Variants in CLSTN2 observed in about 807,000 individuals in gnomAD.
CLSTN2 encodes the protein calsyntenin 2.
In CLSTN2, 48 loss-of-function variants were observed where a neutral mutation model predicts 101.2. That is an observed-to-expected ratio of 0.47 (90% CI 0.38 to 0.60). The LOEUF is 0.60. CLSTN2 is among the 20% of genes least tolerant of loss of function. The probability of loss-of-function intolerance (pLI) is 0.00; values close to 1 mark genes in which losing one functional copy is unlikely to be tolerated. For missense variants in CLSTN2, 1,160 were observed against 1,238.2 expected (o/e 0.94, Z 0.95); for synonymous variants, 481 against 463.6 (o/e 1.04, Z -0.48).
At chr3:140,260,197 ATGTAT>A (rs1301981647) in intron 2 of CLSTN2, among the ~76,000 whole-genome samples, 1 of 150,210 alleles carries the variant, frequency 6.7e-6, no homozygotes, top group Non-Finnish European at 1.5e-5. Context: ...ATTAAAATAA[ATGTAT>A]TTTATTTCTT....
At chr3:139,965,932 G>T (rs1180585680) in intron 1 of CLSTN2, among the ~76,000 whole-genome samples, 1 of 152,194 alleles carries the variant, frequency 6.6e-6, no homozygotes, top group Non-Finnish European at 1.5e-5. Flanking sequence ...ATGGTGGTTT[G>T]ATGTTAGCCT....
chr3:140,099,076 A>G (rs2008922902), intron 1 of CLSTN2, among the ~76,000 whole-genome samples: 1 of 152,202 alleles, frequency 6.6e-6, no homozygotes, highest in Non-Finnish European at 1.5e-5. Flanking sequence ...GCTGGTCCGT[A>G]TGTGGCTCAA....
chr3:139,971,672 G>T (rs1935707721), intron 1 of CLSTN2, among the ~76,000 whole-genome samples: 1 of 152,200 alleles, frequency 6.6e-6, no homozygotes, highest in Non-Finnish European at 1.5e-5. Context: ...TGAGCAGGAA[G>T]GTACCTTGAA....
At chr3:139,981,986 C>T (rs1186848482) in intron 1 of CLSTN2, among the ~76,000 whole-genome samples, 1 of 152,036 alleles carries the variant, frequency 6.6e-6, no homozygotes, top group Non-Finnish European at 1.5e-5. Flanking sequence ...TGGAGAGTTG[C>T]CATGATTTGA....
At chr3:140,149,965 A>G (rs1172095802) in intron 1 of CLSTN2, among the ~76,000 whole-genome samples, 2 of 152,132 alleles carry the variant, frequency 1.3e-5, no homozygotes, top group African/African-American at 2.4e-5. Flanking sequence ...TACTTGTATC[A>G]TGGGGCAGGG....
At chr3:139,945,825 T>G (rs1455527917) in intron 1 of CLSTN2, among the ~76,000 whole-genome samples, 1 of 152,240 alleles carries the variant, frequency 6.6e-6, no homozygotes, top group Non-Finnish European at 1.5e-5. Flanking sequence ...TATAAAATGC[T>G]GAATTCTCCT....
chr3:140,123,198 G>A (rs929363765), intron 1 of CLSTN2, among the ~76,000 whole-genome samples: 1 of 150,950 alleles, frequency 6.6e-6, no homozygotes, highest in Non-Finnish European at 1.5e-5. Flanking sequence ...TGAATGTGGT[G>A]TCCTCACATG....
At chr3:140,377,685 C>T (rs1585817) in intron 2 of CLSTN2, among the ~76,000 whole-genome samples, 145,428 of 152,308 alleles carry the variant, frequency 0.95, 69,785 homozygotes, top group East Asian at 1. Flanking sequence ...GTTTTAAGCT[C>T]AGTGTTACAA....
rs141391491 is a variant in CLSTN2, at chr3:139,986,489, T to C, written c.109+51006T>C. Among the ~76,000 whole-genome samples the C allele has an allele frequency of 4.2e-3, 644 of 152,282 alleles. 8 individuals are homozygous for C. The highest frequency in any genetic ancestry group is 0.015 in the African/African-American group (624 of 41,558). On this transcript the variant is annotated intron_variant, in intron 1 of 16. Transcript: ENST00000458420. ...TGACCCTGCAGGGCCTGGAATACTA[T>C]AGGGAGGGTGTTTGTTCAGTGCAAC... is the stretch of plus-strand genomic sequence containing the variant.
chr3:140,278,219 G>A (rs538897071), intron 2 of CLSTN2, among the ~76,000 whole-genome samples: 17 of 152,282 alleles, frequency 1.1e-4, no homozygotes, highest in African/African-American at 4.1e-4. Context: ...CTGAATTTAT[G>A]AGGAAAAAGA....
chr3:140,311,287 CTTTTTTTTTTTTTTTTTTT>C (rs750088450), intron 2 of CLSTN2, among the ~76,000 whole-genome samples: 9 of 52,064 alleles, frequency 1.7e-4, no homozygotes, highest in Non-Finnish European at 1.6e-4. Context: ...GTTTATTATC[CTTTTTTTTTTTTTTTTTTT>C]TTTTTTTTTT....
chr3:140,096,237 G>A (rs775557450), intron 1 of CLSTN2, among the ~76,000 whole-genome samples: 14 of 152,098 alleles, frequency 9.2e-5, no homozygotes, highest in Non-Finnish European at 1.8e-4. Flanking sequence ...ACAGCAGAGG[G>A]CATAACTAAT....
intron 1 of CLSTN2, among the ~76,000 whole-genome samples, chr3:139,983,695 A>G (rs1406975260): frequency 1.3e-5 from 2 of 152,188 alleles, no homozygotes; most frequent in Admixed American, 6.5e-5. Flanking sequence ...TCAATATTAT[A>G]GTTAATTAAA....
At chr3:140,447,052 T>G (rs1318274356) in intron 5 of CLSTN2, among the ~76,000 whole-genome samples, 3 of 152,238 alleles carry the variant, frequency 2.0e-5, no homozygotes, top group Non-Finnish European at 4.4e-5. Context: ...GATACCGGTA[T>G]CACCATGGTG....
chr3:140,021,281 AG>A (rs2007310606), intron 1 of CLSTN2, among the ~76,000 whole-genome samples: 1 of 152,182 alleles, frequency 6.6e-6, no homozygotes, highest in Non-Finnish European at 1.5e-5. Flanking sequence ...TGTGGGCTGA[AG>A]GGATCTGGAG....
intron 8 of CLSTN2, among the ~76,000 whole-genome samples, chr3:140,514,144 T>G (rs535168614): frequency 8.0e-6 from 1 of 125,020 alleles, no homozygotes; most frequent in Admixed American, 8.4e-5. Context: ...TATAGTTTTC[T>G]ATATTTTTTC....
intron 1 of CLSTN2, among the ~76,000 whole-genome samples, chr3:140,009,431 T>C (rs2007025811): frequency 6.6e-6 from 1 of 152,192 alleles, no homozygotes; most frequent in Non-Finnish European, 1.5e-5. Flanking sequence ...CCAGAAATAA[T>C]GAATGTGAGT....
chr3:140,011,505 C>T (rs1235860312), intron 1 of CLSTN2, among the ~76,000 whole-genome samples: 2 of 152,184 alleles, frequency 1.3e-5, no homozygotes, highest in Non-Finnish European at 2.9e-5. Flanking sequence ...TCTCTCTGAA[C>T]CTCAGAATCC....
At chr3:140,294,935 C>T (rs2086988907) in intron 2 of CLSTN2, among the ~76,000 whole-genome samples, 1 of 152,172 alleles carries the variant, frequency 6.6e-6, no homozygotes, top group South Asian at 2.1e-4. Flanking sequence ...TAAAAGGGCA[C>T]AAATTCCATT....
Sources: gnomAD v4.1 joint callset for allele counts (sites outside exome capture counted in the v4.1 genomes callset) on GRCh38, gnomAD v4.1.1 for gene constraint, MANE v1.5 for transcripts, NCBI Gene and HGNC (gene_info 2026-07-23, HGNC 2026-07-21) for gene names.